Variants in MARCHF6 observed in about 807,000 individuals in gnomAD.
MARCHF6 encodes the protein membrane associated ring-CH-type finger 6.
Under a neutral mutation model 133.7 loss-of-function variants are expected in MARCHF6, and 31 were observed. The ratio of observed to expected loss-of-function variants is 0.23; its 90% CI spans 0.17 to 0.31. The LOEUF (loss-of-function observed/expected upper bound fraction) is 0.31, where lower values mean the gene tolerates loss of function less well. Among genes scored for constraint, MARCHF6 ranks in the 10% least tolerant of loss-of-function variants. MARCHF6 has a pLI of 1.00. For synonymous variants in MARCHF6, 395 were observed against 402.5 expected (o/e 0.98, Z 0.22); for missense variants, 723 against 1,121.6 (o/e 0.64, Z 5.08).
intron 1 of MARCHF6, among the ~76,000 whole-genome samples, chr5:10,369,806 G>A (rs1357616681): frequency 1.3e-5 from 2 of 151,886 alleles, no homozygotes; most frequent in Non-Finnish European, 2.9e-5. Context: ...CCACATCATC[G>A]TTGCATGTAT....
chr5:10,371,695 G>A (rs1447131513), intron 1 of MARCHF6, among the ~76,000 whole-genome samples: 3 of 152,170 alleles, frequency 2.0e-5, no homozygotes, highest in Non-Finnish European at 4.4e-5. Context: ...CATATCAGTA[G>A]GTAATGAAAT....
intron 1 of MARCHF6, among the ~76,000 whole-genome samples, chr5:10,375,608 C>T (rs1736730172): frequency 6.6e-6 from 1 of 152,270 alleles, no homozygotes; most frequent in African/African-American, 2.4e-5. Flanking sequence ...CTAGGTGAAG[C>T]CAGCTGGGCT....
intron 9 of MARCHF6, among the ~76,000 whole-genome samples, chr5:10,395,732 A>G (rs1738152215): frequency 6.6e-6 from 1 of 152,210 alleles, no homozygotes; most frequent in African/African-American, 2.4e-5. Context: ...CATAGGCCCA[A>G]CAATGTCATC....
chr5:10,375,552 G>A (rs898293153), intron 1 of MARCHF6, among the ~76,000 whole-genome samples: 17 of 152,254 alleles, frequency 1.1e-4, no homozygotes, highest in African/African-American at 3.1e-4. Flanking sequence ...AGCGCATGGC[G>A]CGGGACTGGC....
chr5:10,430,793 G>T (rs770476884), intron 25 of MARCHF6, among the ~76,000 whole-genome samples: 1 of 152,212 alleles, frequency 6.6e-6, no homozygotes, highest in African/African-American at 2.4e-5. Context: ...AGGCTTGAGG[G>T]TTACTGCAAA....
intron 1 of MARCHF6, among the ~76,000 whole-genome samples, chr5:10,377,433 T>C (rs980942425): frequency 1.3e-5 from 2 of 152,198 alleles, no homozygotes; most frequent in African/African-American, 4.8e-5. Flanking sequence ...GTTAAATTGT[T>C]AAGACTGGAG....
In MARCHF6 at chr5:10,403,471, T is replaced by C; in HGVS notation, c.1262T>C (p.Met421Thr). The C allele has an allele frequency of 6.2e-7, 1 of 1,613,960 alleles. No homozygotes were observed. Among genetic ancestry groups the C allele is most frequent in the South Asian group, 1.1e-5 (1 of 91,070 alleles). Reference sequence around the variant, plus strand: ...TTTCAGTCGGCTCCAGGTACTACCATGTTTCTGCATTGGCTAGTGGGAATG... The same window carrying C: ...TTTCAGTCGGCTCCAGGTACTACCACGTTTCTGCATTGGCTAGTGGGAATG... ...LSFQSAPGTT[M>T]FLHWLVGMVY... Residue 421 changes from methionine to threonine, a missense_variant, in exon 15 of 26, where the codon ATG becomes ACG. Coordinates refer to ENST00000274140, the MANE Select transcript of MARCHF6 (RefSeq NM_005885.4).
At chr5:10,426,113 A>G (rs1034526285) in intron 23 of MARCHF6, among the ~76,000 whole-genome samples, 2 of 152,218 alleles carry the variant, frequency 1.3e-5, no homozygotes, top group African/African-American at 4.8e-5. Context: ...GTCATCTGGT[A>G]TTGTATAGTG....
At position 10,402,515 on chromosome 5, in the gene MARCHF6, C is replaced by A. The variant is rs755166264; in HGVS notation, c.1123-18C>A. 1.2e-6 allele frequency: 2 copies of A among 1,612,842 alleles called. No homozygotes were observed. The highest frequency in any genetic ancestry group is 2.2e-5 in the South Asian group (2 of 91,038). ...TCCTACATTTGGGTGATACTGATGA[C>A]CTTTATTTTCACTTAAGGTCTCTTT... On this transcript the variant is annotated intron_variant, in intron 13 of 25. Coordinates refer to ENST00000274140, the MANE Select transcript of MARCHF6 (RefSeq NM_005885.4).
intron 25 of MARCHF6, among the ~76,000 whole-genome samples, chr5:10,430,370 A>T (rs1243104961): frequency 1.4e-5 from 2 of 141,232 alleles, no homozygotes; most frequent in Admixed American, 1.5e-4. Flanking sequence ...CAGTGGTGCG[A>T]ACTTGGCTCA....
At chr5:10,397,142 T>C in intron 9 of MARCHF6, 151 bp from the exon 10 acceptor site, 1 of 511,068 alleles carries the variant, frequency 2.0e-6, no homozygotes, top group Non-Finnish European at 3.4e-6. Flanking sequence ...AGTTACATAT[T>C]ATGTCTAGAT....
In MARCHF6 at chr5:10,426,508, T is replaced by C. The variant is rs544035688; in HGVS notation, c.2492T>C (p.Val831Ala). The C allele has an allele frequency of 6.2e-7, 1 of 1,613,946 alleles. No homozygotes were observed. Among genetic ancestry groups the C allele is most frequent in the South Asian group, 1.1e-5 (1 of 91,048 alleles). ...GTACCTTATGTCATAGCTTCTGGTG[T>C]TGTTCCTTTACTAGGTACGTAATGC... is the stretch of plus-strand genomic sequence containing the variant. Reference protein sequence around the residue: ...LCVPYVIASGVVPLLGVTAEM... With the variant: ...LCVPYVIASGAVPLLGVTAEM... The change falls in exon 24 of 26, where the codon GTT (valine) becomes GCT (alanine). Residue 831 changes from valine (V) to alanine (A), a missense_variant. Val to Ala is a moderately conservative substitution (Grantham distance 64). Transcript: ENST00000274140.
chr5:10,425,964 G>A (rs549983272), intron 23 of MARCHF6, among the ~76,000 whole-genome samples: 1 of 152,210 alleles, frequency 6.6e-6, no homozygotes, highest in South Asian at 2.1e-4. Context: ...AACGCTTCCT[G>A]CTTCAGTGTT....
At chr5:10,416,428 A>G (rs1739518355) in intron 21 of MARCHF6, among the ~76,000 whole-genome samples, 1 of 152,270 alleles carries the variant, frequency 6.6e-6, no homozygotes, top group Admixed American at 6.5e-5. Context: ...TTCATTATAT[A>G]TTATGGAGGG....
intron 19 of MARCHF6, among the ~76,000 whole-genome samples, chr5:10,412,544 A>T (rs1305600019): frequency 6.6e-6 from 1 of 152,186 alleles, no homozygotes; most frequent in Non-Finnish European, 1.5e-5. Context: ...CACATTAGGC[A>T]TGGTGGGCTT....
intron 1 of MARCHF6, among the ~76,000 whole-genome samples, chr5:10,364,978 T>C (rs1022217374): frequency 1.3e-5 from 2 of 151,882 alleles, no homozygotes; most frequent in African/African-American, 4.8e-5. Context: ...TAATTTTGTA[T>C]TTTTAGTAGA....
intron 17 of MARCHF6, among the ~76,000 whole-genome samples, chr5:10,408,571 C>G (rs545026536): frequency 4.6e-5 from 7 of 152,292 alleles, no homozygotes; most frequent in African/African-American, 1.4e-4. Flanking sequence ...AAGAGTCTCG[C>G]TCTGTCACCC....
intron 1 of MARCHF6, among the ~76,000 whole-genome samples, chr5:10,357,268 A>G (rs974724323): frequency 1.3e-5 from 2 of 151,198 alleles, no homozygotes; most frequent in Non-Finnish European, 2.9e-5. Flanking sequence ...TAGATGTTGC[A>G]AGTGTTGATG....
rs749332318 is a variant in MARCHF6 at position 10,403,356 on chromosome 5, TGGCAAATGTA to T, written c.1198-48_1198-39del. The T allele has an allele frequency of 5.8e-6, 9 of 1,557,546 alleles. No homozygotes were observed. The African/African-American group carries it at 1.2e-4, about 21-fold the overall frequency. Reference sequence around the variant, plus strand: ...TTCCTAGAAGATGAAAATGTTAACTTGGCAAATGTAGGGGGCACAGATTTCTCTTACCTGT... The same window carrying T: ...TTCCTAGAAGATGAAAATGTTAACTTGGGGGCACAGATTTCTCTTACCTGT... On this transcript the variant is annotated intron_variant, in intron 14 of 25. Coordinates refer to ENST00000274140, the MANE Select transcript of MARCHF6 (RefSeq NM_005885.4).
Sources: allele counts gnomAD v4.1 joint callset (sites outside exome capture counted in the v4.1 genomes callset), GRCh38; gene constraint gnomAD v4.1.1; transcripts MANE v1.5; gene names NCBI Gene and HGNC (gene_info 2026-07-23, HGNC 2026-07-21).